Variants in NOMO1 observed in about 807,000 individuals in gnomAD.
NOMO1 encodes nodal modulator 3.
Under a neutral mutation model 133.8 loss-of-function variants are expected in NOMO1, and 40 were observed. That is an observed-to-expected ratio of 0.30 (90% CI 0.23 to 0.39). NOMO1 has a LOEUF of 0.39. Among genes scored for constraint, NOMO1 ranks in the 10% least tolerant of loss-of-function variants. The pLI is 1.00. For missense variants in NOMO1, 462 were observed against 1,419.9 expected (o/e 0.33, Z 10.84); for synonymous variants, 236 against 570.5 (o/e 0.41, Z 8.36).
intron 1 of NOMO1, among the ~76,000 whole-genome samples, chr16:14,837,314 C>T (rs551438362): frequency 2.6e-5 from 4 of 152,148 alleles, no homozygotes; most frequent in African/African-American, 7.2e-5. Context: ...TGGCCGCAAA[C>T]TGATTTTTCT....
rs1183758911 is a variant in NOMO1 at position 14,857,214 on chromosome 16, T to C, written c.964-3T>C. 1.3e-6 allele frequency: 2 copies of C among 1,567,404 alleles called. No individual in the cohort carries two copies. Among genetic ancestry groups the C allele is most frequent in the Non-Finnish European group, 1.8e-6 (2 of 1,139,854 alleles). On this transcript the variant is annotated splice_polypyrimidine_tract_variant and splice_region_variant and intron_variant, in intron 9 of 30. Coordinates refer to ENST00000287667, the MANE Select transcript of NOMO1 (RefSeq NM_014287.4). ...CACCTTCTTCTTGTTCTTTGTTTTC[T>C]AGCCCGTGTTCCACGTCATGGGATT...
chr16:14,877,509 A>T (rs1323118311), intron 22 of NOMO1, among the ~76,000 whole-genome samples: 1 of 151,628 alleles, frequency 6.6e-6, no homozygotes, highest in Admixed American at 6.6e-5. Flanking sequence ...TCAAACTCGG[A>T]AGAAATGTTT....
chr16:14,880,814 A>G (rs1964231950), intron 24 of NOMO1, among the ~76,000 whole-genome samples: 1 of 151,352 alleles, frequency 6.6e-6, no homozygotes, highest in Non-Finnish European at 1.5e-5. Flanking sequence ...TCTCCTAGCC[A>G]CCCAAGTTCC....
chr16:14,877,712 A>G (rs1964181735), intron 22 of NOMO1, among the ~76,000 whole-genome samples: 1 of 149,602 alleles, frequency 6.7e-6, no homozygotes, highest in Non-Finnish European at 1.5e-5. Context: ...CAGTCGAAAC[A>G]CTGTTTTGCA....
At chr16:14,836,518 A>G (rs934925200) in intron 1 of NOMO1, among the ~76,000 whole-genome samples, 2 of 151,864 alleles carry the variant, frequency 1.3e-5, no homozygotes, top group Non-Finnish European at 2.9e-5. Flanking sequence ...TAGGTGCATC[A>G]GACCCAACTG....
chr16:14,845,199 G>A (rs1326636322), intron 4 of NOMO1, among the ~76,000 whole-genome samples: 1 of 151,744 alleles, frequency 6.6e-6, no homozygotes, highest in African/African-American at 2.4e-5. Flanking sequence ...CACCATGCCT[G>A]GCTAATTTTT....
At chr16:14,846,770 G>A (rs1963688704) in intron 5 of NOMO1, 87 bp downstream of exon 5, 5 of 1,561,440 alleles carry the variant, frequency 3.2e-6, no homozygotes, top group African/African-American at 1.4e-5. Flanking sequence ...TGGATTCAGG[G>A]AGTTCTGGGT....
chr16:14,869,294 C>T (rs892691968), intron 16 of NOMO1, among the ~76,000 whole-genome samples: 1 of 150,446 alleles, frequency 6.6e-6, no homozygotes, highest in African/African-American at 2.5e-5. Flanking sequence ...TCATAAAACT[C>T]ACCTATTTAA....
Position 14,876,673 on chromosome 16 carries a change from C to T in NOMO1, c.2526C>T (p.Pro842=), listed in dbSNP as rs771045151. Residue 842 remains proline, a synonymous_variant, in exon 22 of 31, where the codon CCC becomes CCT. Transcript: ENST00000287667. The part of the protein sequence containing the change: ...TDDKGAYSVG[P]LHSDLEYTVT... Reference sequence around the variant, plus strand: ...GCTCTCTCCTCTTCAGTGTTGGCCCCCTGCACAGTGACCTGGAGTACACGG... The same window carrying T: ...GCTCTCTCCTCTTCAGTGTTGGCCCTCTGCACAGTGACCTGGAGTACACGG... The T allele has an allele frequency of 5.9e-5, 95 of 1,610,498 alleles. No homozygotes were observed. Among genetic ancestry groups the T allele is most frequent in the Non-Finnish European group, 7.7e-5 (91 of 1,179,644 alleles).
chr16:14,893,569 A>C (rs973491688), intron 29 of NOMO1, among the ~76,000 whole-genome samples: 33 of 152,036 alleles, frequency 2.2e-4, no homozygotes, highest in Admixed American at 3.3e-4. Flanking sequence ...AGGAGTAGGC[A>C]GTTGTTGATG....
At chr16:14,838,154 T>C (rs911741525) in intron 1 of NOMO1, among the ~76,000 whole-genome samples, 7 of 152,018 alleles carry the variant, frequency 4.6e-5, no homozygotes, top group African/African-American at 1.5e-4. Flanking sequence ...GCCACTAAAA[T>C]AAACAGAAAA....
chr16:14,833,729 C>A lies in NOMO1; in HGVS notation c.-123C>A. 4 of 1,145,008 alleles carry A rather than the reference C, an allele frequency of 3.5e-6. No individual in the cohort carries two copies. Among genetic ancestry groups the A allele is most frequent in the Non-Finnish European group, 4.5e-6 (4 of 894,736 alleles). The allele number at this position is 1,145,008 out of a possible 1,614,324, so 70.9% of individuals were successfully genotyped here. A position where few individuals can be genotyped will look rare whatever the true frequency, so the allele number is the denominator to read the frequency against. On this transcript the variant is annotated 5_prime_UTR_variant, in exon 1 of 31. Coordinates refer to ENST00000287667, the MANE Select transcript of NOMO1 (RefSeq NM_014287.4). ...AAGCGCGCGTGCGCGGCGGCTCTGG[C>A]GGCGGCGGTGGGGCGGGGCCTGGGC...
intron 27 of NOMO1, among the ~76,000 whole-genome samples, chr16:14,886,438 G>C (rs201223684): frequency 7.3e-6 from 1 of 136,832 alleles, no homozygotes; most frequent in African/African-American, 2.8e-5. Flanking sequence ...AATATCTGGC[G>C]CCTGCCTGGC....
chr16:14,844,367 T>C (rs1321699894), intron 3 of NOMO1, among the ~76,000 whole-genome samples: 1 of 151,750 alleles, frequency 6.6e-6, no homozygotes, highest in Non-Finnish European at 1.5e-5. Context: ...TGGTGCTCAC[T>C]GAATTTTCAC....
intron 9 of NOMO1, among the ~76,000 whole-genome samples, chr16:14,856,333 C>T (rs551412824): frequency 5.3e-5 from 8 of 152,032 alleles, no homozygotes; most frequent in Admixed American, 1.3e-4. Flanking sequence ...TGCTCACAGG[C>T]GAGTGGGGCA....
chr16:14,878,945 G>A (rs1395913720), intron 23 of NOMO1, 111 bp downstream of exon 23: 10 of 1,447,304 alleles, frequency 6.9e-6, no homozygotes, highest in Non-Finnish European at 9.7e-6. Flanking sequence ...AGCCAATGTG[G>A]AGTGGTTTCA....
Position 14,886,867 on chromosome 16 carries a change from T to C in NOMO1, c.3324+5T>C. 1 of 1,611,862 alleles carries C rather than the reference T, an allele frequency of 6.2e-7. No individual in the cohort carries two copies. The highest frequency in any genetic ancestry group is 8.5e-7 in the Non-Finnish European group (1 of 1,179,824). On this transcript the variant is annotated splice_donor_5th_base_variant and intron_variant, in intron 28 of 30. Coordinates refer to ENST00000287667, the MANE Select transcript of NOMO1 (RefSeq NM_014287.4). ...CCACTGCTCAGAGACGGCGAGGTAA[T>C]GCCTGTGGCCGGATTCTACCTTCTG...
chr16:14,850,310 A>G (rs1032393925), intron 6 of NOMO1, among the ~76,000 whole-genome samples: 1 of 151,936 alleles, frequency 6.6e-6, no homozygotes, highest in African/African-American at 2.4e-5. Context: ...GTATGGGAAT[A>G]GCAGACGCTG....
chr16:14,895,021 C>T lies in NOMO1; in HGVS notation c.3468C>T (p.Ile1156=), dbSNP rs374422575. The T allele has an allele frequency of 3.9e-5, 63 of 1,609,722 alleles. No individual in the cohort carries two copies. The highest frequency in any genetic ancestry group is 1.2e-4 in the South Asian group (11 of 90,806). The change falls in exon 30 of 31, where the codon ATC becomes ATT. Residue 1156 remains isoleucine (I), a synonymous_variant. Transcript: ENST00000287667. Reference sequence around the variant, plus strand: ...AGAGGAAGCTGCCTGAACAGGACATCGCACAAGGATCCTACATTGCCCTGC... The same window carrying T: ...AGAGGAAGCTGCCTGAACAGGACATTGCACAAGGATCCTACATTGCCCTGC... ...NPTRKLPEQD[I]AQGSYIALPL... is the part of the protein sequence containing the mutation.
Sources: gnomAD v4.1 joint callset for allele counts (sites outside exome capture counted in the v4.1 genomes callset) on GRCh38, gnomAD v4.1.1 for gene constraint, MANE v1.5 for transcripts, NCBI Gene and HGNC (gene_info 2026-07-23, HGNC 2026-07-21) for gene names.